TJP1: variants seen among roughly 807,000 people sequenced by gnomAD.
TJP1 encodes tight junction protein ZO-1.
Under a neutral mutation model 194.2 loss-of-function variants are expected in TJP1, and 43 were observed. That is an observed-to-expected ratio of 0.22 (90% confidence interval 0.17 to 0.29). The LOEUF is 0.29. TJP1 is among the 10% of genes least tolerant of loss of function. The pLI, the probability that TJP1 is intolerant of heterozygous loss-of-function variation, is 1.00. For missense variants in TJP1, 1,971 were observed against 2,185.7 expected (o/e 0.90, Z 1.96); for synonymous variants, 801 against 779.0 (o/e 1.03, Z -0.47).
At chr15:29,913,609 A>C (rs954615094) in intron 2 of TJP1, among the ~76,000 whole-genome samples, 1 of 152,210 alleles carries the variant, frequency 6.6e-6, no homozygotes. Flanking sequence ...CAGTGAGCAG[A>C]ATAAATTCAG....
At chr15:29,712,179 T>C (rs950936584) in intron 23 of TJP1, among the ~76,000 whole-genome samples, 2 of 152,240 alleles carry the variant, frequency 1.3e-5, no homozygotes, top group South Asian at 2.1e-4. Context: ...ACATTTGGAA[T>C]ACTCCTGGTC....
intron 8 of TJP1, among the ~76,000 whole-genome samples, chr15:29,744,143 C>T (rs2044610572): frequency 6.6e-6 from 1 of 152,162 alleles, no homozygotes; most frequent in Non-Finnish European, 1.5e-5. Flanking sequence ...CGTGCCACTG[C>T]ACTCCAGCTT....
At chr15:29,955,638 C>T (rs79113602) in intron 2 of TJP1, among the ~76,000 whole-genome samples, 1,959 of 151,298 alleles carry the variant, frequency 0.013, 15 homozygotes, top group Non-Finnish European at 0.022. Flanking sequence ...ATAGTCCCAA[C>T]TACTTGGGAG....
At chr15:29,730,631 C>T (rs964585516) in intron 15 of TJP1, 31 of 633,436 alleles carry the variant, frequency 4.9e-5, no homozygotes, top group Middle Eastern at 3.5e-4. Context: ...GAAGAAGAGG[C>T]GAGAACGACC....
At chr15:29,921,832 T>A (rs2054369910) in intron 2 of TJP1, among the ~76,000 whole-genome samples, 1 of 148,146 alleles carries the variant, frequency 6.8e-6, no homozygotes, top group African/African-American at 2.5e-5. Flanking sequence ...CCATTTTTTT[T>A]CTTTTTCTTT....
At position 29,753,486 on chromosome 15, in the gene TJP1, A is replaced by C. The variant is rs1282081333; in HGVS notation, c.1010+7653T>G. On this transcript the variant is annotated intron_variant, in intron 8 of 27. Coordinates refer to ENST00000614355, the MANE Select transcript of TJP1 (RefSeq NM_001330239.4). ...GAGACAGAGCAAGACTCTGTGTCAA[A>C]AAAAAAAAAAAAAAAAAAAAAAAGA... 4.4e-4 allele frequency among the ~76,000 whole-genome samples: 64 copies of C among 145,740 alleles called. No homozygotes were observed. In the East Asian group the frequency reaches 0.01, roughly 23 times the overall value.
At chr15:29,737,585 T>G (rs1475658169) in intron 10 of TJP1, among the ~76,000 whole-genome samples, 171 bp from the exon 11 acceptor site, 1 of 152,236 alleles carries the variant, frequency 6.6e-6, no homozygotes, top group Non-Finnish European at 1.5e-5. Context: ...AAATCAGACT[T>G]AATAACACTA....
chr15:29,723,499 A>G (rs2151165427), intron 18 of TJP1, among the ~76,000 whole-genome samples: 1 of 152,304 alleles, frequency 6.6e-6, no homozygotes, highest in Non-Finnish European at 1.5e-5. Context: ...CAGCCCACAG[A>G]ACTGTGAGCC....
chr15:29,788,970 A>G (rs1014304362), intron 2 of TJP1, among the ~76,000 whole-genome samples: 8 of 152,228 alleles, frequency 5.3e-5, no homozygotes, highest in Admixed American at 2.6e-4. Flanking sequence ...AAGCACTTCA[A>G]AAATGGCTAG....
chr15:29,711,268 T>C (rs1299937416), intron 23 of TJP1, among the ~76,000 whole-genome samples: 3 of 152,190 alleles, frequency 2.0e-5, no homozygotes, highest in Non-Finnish European at 2.9e-5. Context: ...ATTTTGGGTA[T>C]AGTTTAATTG....
intron 8 of TJP1, among the ~76,000 whole-genome samples, chr15:29,749,573 C>A (rs1249744675): frequency 6.6e-6 from 1 of 152,128 alleles, no homozygotes; most frequent in Non-Finnish European, 1.5e-5. Flanking sequence ...CTAAAGTACT[C>A]GGTGGCCAGC....
chr15:29,821,870 C>T, intron 1 of TJP1, 132 bp downstream of exon 1: 1 of 910,184 alleles, frequency 1.1e-6, no homozygotes, highest in Non-Finnish European at 1.3e-6. Context: ...GGCCCCGCGC[C>T]AGCCCTGCCC....
At chr15:29,909,841 TA>T (rs758752668) in intron 2 of TJP1, among the ~76,000 whole-genome samples, 4 of 152,130 alleles carry the variant, frequency 2.6e-5, no homozygotes, top group Non-Finnish European at 5.9e-5. Context: ...ATAGGGTAGC[TA>T]AACCCTTCCA....
intron 8 of TJP1, among the ~76,000 whole-genome samples, chr15:29,753,397 T>A (rs746071363): frequency 7.2e-6 from 1 of 139,108 alleles, no homozygotes; most frequent in African/African-American, 2.8e-5. Flanking sequence ...GGCAGGAGAA[T>A]AGCGTGAACC....
intron 2 of TJP1, chr15:29,956,090 T>C (rs2055930196): frequency 3.3e-6 from 2 of 610,250 alleles, no homozygotes; most frequent in Middle Eastern, 7.3e-4. Flanking sequence ...AACATTCTGG[T>C]TGGTAAACTG....
At chr15:29,890,575 G>A (rs1010890926) in intron 2 of TJP1, among the ~76,000 whole-genome samples, 6 of 152,006 alleles carry the variant, frequency 3.9e-5, no homozygotes, top group Non-Finnish European at 8.8e-5. Context: ...AGAGCAAAGA[G>A]TAATGTTCTG....
chr15:29,730,407 C>T (rs1044412908), intron 15 of TJP1, among the ~76,000 whole-genome samples: 11 of 151,696 alleles, frequency 7.3e-5, no homozygotes, highest in Admixed American at 4.6e-4. Flanking sequence ...CTAGTGAGAC[C>T]CTGTTTCTAC....
At chr15:29,944,362 T>G (rs1315862147) in intron 2 of TJP1, among the ~76,000 whole-genome samples, 1 of 152,132 alleles carries the variant, frequency 6.6e-6, no homozygotes, top group Non-Finnish European at 1.5e-5. Context: ...CCCAAAGTGC[T>G]GGGATTACAG....
At chr15:29,847,378 T>G (rs2051455064) in intron 2 of TJP1, among the ~76,000 whole-genome samples, 1 of 152,220 alleles carries the variant, frequency 6.6e-6, no homozygotes, top group Non-Finnish European at 1.5e-5. Flanking sequence ...TCTATTAATT[T>G]CTGCTCTTTA....
Sources: gnomAD v4.1 joint callset for allele counts (sites outside exome capture counted in the v4.1 genomes callset) on GRCh38, gnomAD v4.1.1 for gene constraint, MANE v1.5 for transcripts, NCBI Gene and HGNC (gene_info 2026-07-23, HGNC 2026-07-21) for gene names.